The following HECW2 variants were observed in gnomAD, a reference collection of about 807,000 sequenced individuals.
HECW2 encodes the protein HECT, C2 and WW domain containing E3 ubiquitin protein ligase 2, also known as E3 ubiquitin-protein ligase HECW2.
Under a neutral mutation model 175.2 loss-of-function variants are expected in HECW2, and 61 were observed. That is an observed-to-expected ratio of 0.35 (90% CI 0.28 to 0.43). HECW2 has a LOEUF of 0.43. Ranked by LOEUF, HECW2 falls within the 20% of genes least tolerant of loss-of-function variation. The pLI, the probability that HECW2 is intolerant of heterozygous loss-of-function variation, is 1.00. For synonymous variants in HECW2, 671 were observed against 731.0 expected (o/e 0.92, Z 1.32); for missense variants, 1,524 against 2,000.5 (o/e 0.76, Z 4.54).
chr2:196,202,290 CAT>C (rs1686887192), intron 28 of HECW2, among the ~76,000 whole-genome samples: 1 of 152,176 alleles, frequency 6.6e-6, no homozygotes, highest in Admixed American at 6.5e-5. Context: ...TACAAAGTCA[CAT>C]GTCTATACTT....
chr2:196,417,660 T>C (rs1303411378), intron 2 of HECW2, among the ~76,000 whole-genome samples: 1 of 152,234 alleles, frequency 6.6e-6, no homozygotes, highest in Non-Finnish European at 1.5e-5. Flanking sequence ...TTACCTTACA[T>C]ATGCTGACCA....
At position 196,306,560 on chromosome 2, in the gene HECW2, C is replaced by T. The variant is rs769147656; in HGVS notation, c.2742G>A (p.Thr914=). 18 of 1,612,760 alleles carry T rather than the reference C, an allele frequency of 1.1e-5. No individual in the cohort carries two copies. The highest frequency in any genetic ancestry group is 4.4e-5 in the South Asian group (4 of 90,892). Residue 914 remains threonine, a synonymous_variant, in exon 13 of 29, where the codon ACG becomes ACA. Transcript: ENST00000644978. ...LPHSTSRSRI[T]LLLQSPPVKF... ...TCACGGGGGGAGACTGTAACAGCAACGTGATCCTGGATCTGGAGGTAGAGT... is the reference window on the plus strand; with the variant it reads ...TCACGGGGGGAGACTGTAACAGCAATGTGATCCTGGATCTGGAGGTAGAGT...
chr2:196,315,149 A>AGTGTGTGTGTGTGTGTGTGT (rs58473650), intron 10 of HECW2, among the ~76,000 whole-genome samples: 1 of 144,716 alleles, frequency 6.9e-6, no homozygotes, highest in Non-Finnish European at 1.5e-5. Flanking sequence ...CGAGTGTATG[A>AGTGTGTGTGTGTGTGTGTGT]GTGTGTGTGT....
At chr2:196,578,720 CA>C (rs1690652650) in intron 1 of HECW2, among the ~76,000 whole-genome samples, 1 of 152,056 alleles carries the variant, frequency 6.6e-6, no homozygotes, top group Non-Finnish European at 1.5e-5. Context: ...AGTGCTGAAA[CA>C]AAAGGTCAAC....
chr2:196,392,657 CCATGTTT>C (rs1296353594), intron 2 of HECW2, among the ~76,000 whole-genome samples: 1 of 152,016 alleles, frequency 6.6e-6, no homozygotes, highest in Non-Finnish European at 1.5e-5. Flanking sequence ...AATGCCACCA[CCATGTTT>C]CAGAAATATT....
At chr2:196,402,163 T>C (rs192604254) in intron 2 of HECW2, among the ~76,000 whole-genome samples, 65 of 119,810 alleles carry the variant, frequency 5.4e-4, no homozygotes, top group African/African-American at 1.7e-3. Context: ...ATGGCACCAC[T>C]GCACTCCTGC....
At chr2:196,378,982 A>C (rs1041628781) in intron 2 of HECW2, among the ~76,000 whole-genome samples, 2 of 152,116 alleles carry the variant, frequency 1.3e-5, no homozygotes, top group Non-Finnish European at 2.9e-5. Flanking sequence ...TTGGGGAAAA[A>C]CATTAACTTG....
intron 1 of HECW2, among the ~76,000 whole-genome samples, chr2:196,572,318 G>T (rs1403582001): frequency 6.6e-6 from 1 of 152,126 alleles, no homozygotes; most frequent in Admixed American, 6.5e-5. Flanking sequence ...AAGTAGCTGG[G>T]ATTATAGGTG....
intron 2 of HECW2, among the ~76,000 whole-genome samples, chr2:196,349,338 G>A (rs2105847746): frequency 6.6e-6 from 1 of 152,230 alleles, no homozygotes; most frequent in South Asian, 2.1e-4. Flanking sequence ...TTACTTCCTA[G>A]TGGAAATATA....
At chr2:196,303,752 A>T (rs1037705582) in intron 13 of HECW2, among the ~76,000 whole-genome samples, 1 of 152,076 alleles carries the variant, frequency 6.6e-6, no homozygotes, top group Non-Finnish European at 1.5e-5. Context: ...GGTCAGTGGT[A>T]ATCTGTCCCT....
rs116448898 is a variant in HECW2, at chr2:196,426,446, G to A, written c.292+6686C>T. 4.3e-3 allele frequency among the ~76,000 whole-genome samples: 649 copies of A among 152,016 alleles called. 6 individuals are homozygous for A. The highest frequency in any genetic ancestry group is 0.015 in the African/African-American group (622 of 41,450). ...TTTTTGATAACAGCCATTCTAATAG[G>A]TGTGGGGTGATATCTCATTGTGGTT... On this transcript the variant is annotated intron_variant, in intron 2 of 28. Coordinates refer to ENST00000644978, the MANE Select transcript of HECW2 (RefSeq NM_001348768.2).
chr2:196,325,535 C>A (rs1692118301), intron 5 of HECW2, among the ~76,000 whole-genome samples: 2 of 152,138 alleles, frequency 1.3e-5, no homozygotes, highest in African/African-American at 4.8e-5. Context: ...CACCTTTTTC[C>A]TAGGGCAATG....
intron 1 of HECW2, among the ~76,000 whole-genome samples, chr2:196,442,716 TTAA>T (rs1696075913): frequency 2.0e-5 from 3 of 152,198 alleles, no homozygotes; most frequent in Admixed American, 1.3e-4. Flanking sequence ...TTAAATTGTG[TTAA>T]TAACACACAT....
At chr2:196,414,673 C>T (rs1302454630) in intron 2 of HECW2, among the ~76,000 whole-genome samples, 1 of 152,198 alleles carries the variant, frequency 6.6e-6, no homozygotes, top group Non-Finnish European at 1.5e-5. Context: ...CATCTGGCCT[C>T]TGAGGCCCCT....
At chr2:196,388,869 C>A (rs1694426083) in intron 2 of HECW2, among the ~76,000 whole-genome samples, 1 of 152,186 alleles carries the variant, frequency 6.6e-6, no homozygotes, top group Non-Finnish European at 1.5e-5. Flanking sequence ...CACTGGTCCA[C>A]AAAGCTGCTT....
intron 1 of HECW2, among the ~76,000 whole-genome samples, chr2:196,514,215 T>C (rs1279991934): frequency 6.6e-6 from 1 of 152,212 alleles, no homozygotes; most frequent in Non-Finnish European, 1.5e-5. Flanking sequence ...CAGAGCAAAG[T>C]TGTGGCCGAG....
At chr2:196,460,095 C>A (rs1191183082) in intron 1 of HECW2, among the ~76,000 whole-genome samples, 1 of 152,148 alleles carries the variant, frequency 6.6e-6, no homozygotes, top group Non-Finnish European at 1.5e-5. Flanking sequence ...ACCCTGCAGG[C>A]TGCAACCCTT....
At chr2:196,382,042 C>T (rs142723930) in intron 2 of HECW2, among the ~76,000 whole-genome samples, 1 of 152,174 alleles carries the variant, frequency 6.6e-6, no homozygotes, top group African/African-American at 2.4e-5. Context: ...AAGAATGGGA[C>T]TCTTTCTATG....
Position 196,394,670 on chromosome 2 carries a change from A to G in HECW2, c.292+38462T>C, listed in dbSNP as rs145139041. On this transcript the variant is annotated intron_variant, in intron 2 of 28. Transcript: ENST00000644978. ...AAGATTTGTATGATTCTAAAGTTCA[A>G]TATATCACAATACCTCTCTGAGAAA... Among the ~76,000 whole-genome samples, 52 of 152,334 alleles carry G rather than the reference A, an allele frequency of 3.4e-4. 1 individual carries two copies. The East Asian group carries it at 6.0e-3, about 18-fold the overall frequency.
Sources: gnomAD v4.1 joint callset for allele counts (sites outside exome capture counted in the v4.1 genomes callset) on GRCh38, gnomAD v4.1.1 for gene constraint, MANE v1.5 for transcripts, NCBI Gene and HGNC (gene_info 2026-07-23, HGNC 2026-07-21) for gene names.